EYS: variants seen among roughly 807,000 people sequenced by gnomAD.
The protein encoded by EYS is protein eyes shut homolog.
EYS carries 250 observed loss-of-function variants against 282.1 expected under a neutral mutation model. The ratio of observed to expected loss-of-function variants is 0.89; its 90% CI spans 0.80 to 0.98. The LOEUF is 0.98. EYS is among the 50% of genes least tolerant of loss of function. The probability of loss-of-function intolerance (pLI) is 0.00; values close to 1 mark genes in which losing one functional copy is unlikely to be tolerated. For synonymous variants in EYS, 1,355 were observed against 1,282.9 expected (o/e 1.06, Z -1.20); for missense variants, 4,016 against 3,709.0 (o/e 1.08, Z -2.15).
chr6:64,582,863 G>T (rs950713499), intron 26 of EYS, among the ~76,000 whole-genome samples: 8 of 152,058 alleles, frequency 5.3e-5, no homozygotes, highest in African/African-American at 1.7e-4. Context: ...TGTTAGGAAG[G>T]TGCTAGCAGA....
At chr6:64,694,418 G>A (rs559827961) in intron 22 of EYS, among the ~76,000 whole-genome samples, 12 of 152,274 alleles carry the variant, frequency 7.9e-5, no homozygotes, top group African/African-American at 2.6e-4. Flanking sequence ...CATTCCCACT[G>A]GGAAGCTGGG....
intron 2 of EYS, among the ~76,000 whole-genome samples, chr6:65,583,297 G>A (rs1480395489): frequency 1.3e-5 from 2 of 151,880 alleles, no homozygotes; most frequent in East Asian, 3.9e-4. Context: ...ATTTTATAGA[G>A]AATATTAAAT....
chr6:63,723,723 T>C (rs915474338), intron 42 of EYS, among the ~76,000 whole-genome samples: 2 of 151,748 alleles, frequency 1.3e-5, no homozygotes, highest in Non-Finnish European at 2.9e-5. Flanking sequence ...TAAAAAATCA[T>C]AGACTTTTAA....
In EYS at chr6:64,407,606, C is replaced by T. The variant is rs186215297; in HGVS notation, c.5928-18766G>A. 3.9e-3 allele frequency among the ~76,000 whole-genome samples: 592 copies of T among 152,144 alleles called. 4 individuals carry two copies. The highest frequency in any genetic ancestry group is 0.013 in the African/African-American group (551 of 41,504). On this transcript the variant is annotated intron_variant, in intron 28 of 42. Transcript: ENST00000503581. ...ATATTAAGCCAGATTCAGTACTATACAAATATAAATTGTTTTCAAGGAATG... is the reference window on the plus strand; with the variant it reads ...ATATTAAGCCAGATTCAGTACTATATAAATATAAATTGTTTTCAAGGAATG...
intron 22 of EYS, among the ~76,000 whole-genome samples, chr6:64,654,307 G>A (rs1021794678): frequency 1.3e-5 from 2 of 152,190 alleles, no homozygotes; most frequent in Non-Finnish European, 2.9e-5. Context: ...CTACTTGCTA[G>A]TGTTGATCTG....
chr6:64,747,053 C>A, intron 22 of EYS, among the ~76,000 whole-genome samples: 1 of 152,162 alleles, frequency 6.6e-6, no homozygotes, highest in Non-Finnish European at 1.5e-5. Flanking sequence ...CTCTGCAGGC[C>A]ACCCATCTGT....
intron 30 of EYS, among the ~76,000 whole-genome samples, chr6:64,297,772 G>T (rs1001296564): frequency 1.3e-5 from 2 of 152,074 alleles, no homozygotes; most frequent in Admixed American, 1.3e-4. Flanking sequence ...GAGGTCAGGT[G>T]CTTGAGACTA....
At chr6:64,539,648 C>A (rs1764636273) in intron 26 of EYS, among the ~76,000 whole-genome samples, 1 of 152,128 alleles carries the variant, frequency 6.6e-6, no homozygotes, top group Admixed American at 6.5e-5. Flanking sequence ...ATGCTGATGC[C>A]ACTGGTTCAT....
chr6:64,877,416 G>A (rs747227740), intron 19 of EYS, among the ~76,000 whole-genome samples: 5 of 152,078 alleles, frequency 3.3e-5, no homozygotes, highest in Non-Finnish European at 7.4e-5. Flanking sequence ...TATATTTATG[G>A]TATTTTTTAA....
chr6:64,073,332 G>T (rs937786544), intron 32 of EYS, among the ~76,000 whole-genome samples: 4 of 151,764 alleles, frequency 2.6e-5, no homozygotes, highest in African/African-American at 9.7e-5. Flanking sequence ...GTGTTTCCAT[G>T]ATTCTATAGC....
At chr6:64,679,978 C>A (rs2149903398) in intron 22 of EYS, among the ~76,000 whole-genome samples, 1 of 151,964 alleles carries the variant, frequency 6.6e-6, no homozygotes, top group East Asian at 1.9e-4. Flanking sequence ...CTGTCCAGGC[C>A]AAATTTTTAC....
chr6:64,855,247 C>T (rs16895851), intron 19 of EYS, among the ~76,000 whole-genome samples: 4,894 of 151,886 alleles, frequency 0.032, 203 homozygotes, highest in East Asian at 0.24. Context: ...ATGTTTTTTA[C>T]CGTTTTTGTA....
chr6:65,654,978 TAAA>T (rs36088825), intron 1 of EYS, among the ~76,000 whole-genome samples: 328 of 99,874 alleles, frequency 3.3e-3, no homozygotes, highest in Non-Finnish European at 5.2e-3. Flanking sequence ...GGTCATTCAT[TAAA>T]AAAAAAAAAA....
intron 15 of EYS, among the ~76,000 whole-genome samples, chr6:64,928,969 C>T (rs1025452800): frequency 2.0e-5 from 3 of 152,090 alleles, no homozygotes; most frequent in Non-Finnish European, 2.9e-5. Context: ...GATATGTTTT[C>T]ATAACTGCAC....
At chr6:63,838,605 T>C (rs369007547) in intron 36 of EYS, among the ~76,000 whole-genome samples, 1 of 152,180 alleles carries the variant, frequency 6.6e-6, no homozygotes, top group East Asian at 1.9e-4. Flanking sequence ...TAGGCAGTGT[T>C]CCTTCACAAA....
chr6:64,972,313 A>C (rs751024086), intron 14 of EYS, among the ~76,000 whole-genome samples: 2 of 151,808 alleles, frequency 1.3e-5, no homozygotes, highest in Non-Finnish European at 2.9e-5. Flanking sequence ...AGCAAATGGC[A>C]GGAGAAGGAT....
chr6:65,538,071 A>G (rs946451515), intron 2 of EYS, among the ~76,000 whole-genome samples: 1 of 152,166 alleles, frequency 6.6e-6, no homozygotes. Context: ...AAAAAATATA[A>G]CTTGATTAGG....
chr6:65,095,350 C>A (rs1774709194), intron 12 of EYS, among the ~76,000 whole-genome samples: 1 of 150,674 alleles, frequency 6.6e-6, no homozygotes. Context: ...ATCATGGTGA[C>A]TGCAGTTAAT....
intron 41 of EYS, among the ~76,000 whole-genome samples, chr6:63,748,048 G>T (rs569824117): frequency 5.3e-4 from 80 of 152,178 alleles, no homozygotes; most frequent in Non-Finnish European, 7.9e-4. Context: ...TAGTGTCACT[G>T]ATCTTAATAA....
Sources: allele counts gnomAD v4.1 joint callset (sites outside exome capture counted in the v4.1 genomes callset), GRCh38; gene constraint gnomAD v4.1.1; transcripts MANE v1.5; gene names NCBI Gene and HGNC (gene_info 2026-07-23, HGNC 2026-07-21).